POLD3: variants seen among roughly 807,000 people sequenced by gnomAD.
POLD3 encodes the protein DNA polymerase delta subunit 3.
Under a neutral mutation model 58.2 loss-of-function variants are expected in POLD3, and 19 were observed. The observed-to-expected ratio is 0.33, with a 90% confidence interval of 0.23 to 0.48. The LOEUF (loss-of-function observed/expected upper bound fraction) is 0.48. POLD3 is among the 20% of genes least tolerant of loss of function. The pLI, the probability that POLD3 is intolerant of heterozygous loss-of-function variation, is 0.99. For missense variants in POLD3, 504 were observed against 545.5 expected, an observed-to-expected ratio of 0.92 and a Z score of 0.76; for synonymous variants, 172 against 193.5, an observed-to-expected ratio of 0.89 and a Z score of 0.92.
intron 4 of POLD3, among the ~76,000 whole-genome samples, chr11:74,655,658 CAAA>C (rs11316500): frequency 3.7e-5 from 5 of 133,456 alleles, no homozygotes; most frequent in Non-Finnish European, 5.1e-5. Flanking sequence ...TATATTTGAC[CAAA>C]AAAAAAAAAA....
At chr11:74,601,613 C>A (rs1038925230) in intron 2 of POLD3, among the ~76,000 whole-genome samples, 3 of 152,052 alleles carry the variant, frequency 2.0e-5, no homozygotes, top group African/African-American at 7.2e-5. Context: ...ATAACAAAAG[C>A]CTGTTTCTAC....
rs71036003 is a variant in POLD3, at chr11:74,632,877, T to TACACACACACACACACACACACAC, written c.1007-1672_1007-1649dup. 2.2e-3 allele frequency among the ~76,000 whole-genome samples: 249 copies of TACACACACACACACACACACACAC among 115,752 alleles called. 11 individuals are homozygous for TACACACACACACACACACACACAC. The highest frequency in any genetic ancestry group is 7.0e-3 in the African/African-American group (162 of 23,308). 75.9% of individuals were successfully genotyped at this position (115,752 alleles called of 152,430 possible). On this transcript the variant is annotated intron_variant, in intron 9 of 11. Coordinates refer to ENST00000263681, the MANE Select transcript of POLD3 (RefSeq NM_006591.3). ...GGTGGTTTTCCTTTATTTAAGTAAA[T>TACACACACACACACACACACACAC]ACACACACACACACACACACACACA...
intron 4 of POLD3, among the ~76,000 whole-genome samples, chr11:74,659,096 G>C (rs1352375459): frequency 1.3e-5 from 2 of 152,186 alleles, no homozygotes; most frequent in Non-Finnish European, 2.9e-5. Context: ...TACATCTTCT[G>C]AAATCTAGGC....
chr11:74,613,757 A>G (rs1350625129), intron 5 of POLD3, among the ~76,000 whole-genome samples: 1 of 152,236 alleles, frequency 6.6e-6, no homozygotes, highest in African/African-American at 2.4e-5. Flanking sequence ...GACATACCAT[A>G]CAGTATAGAG....
At chr11:74,607,721 A>G (rs1823059713) in intron 3 of POLD3, among the ~76,000 whole-genome samples, 1 of 151,794 alleles carries the variant, frequency 6.6e-6, no homozygotes, top group African/African-American at 2.4e-5. Flanking sequence ...AGCTGGGATT[A>G]CAGGTGCTTG....
At chr11:74,626,217 T>C (rs1230672686) in intron 8 of POLD3, among the ~76,000 whole-genome samples, 1 of 152,140 alleles carries the variant, frequency 6.6e-6, no homozygotes. Context: ...GGTGAAATTT[T>C]AGAGGGTTAA....
chr11:74,623,366 C>T (rs1214397701), intron 7 of POLD3, among the ~76,000 whole-genome samples: 2 of 152,176 alleles, frequency 1.3e-5, no homozygotes, highest in Admixed American at 6.5e-5. Context: ...ACCCAGGAGG[C>T]GGAGCTTGCA....
At chr11:74,663,862 A>C (rs1000691191) in intron 4 of POLD3, among the ~76,000 whole-genome samples, 1 of 152,158 alleles carries the variant, frequency 6.6e-6, no homozygotes, top group Non-Finnish European at 1.5e-5. Context: ...ATATATCTCT[A>C]TCTCTCTATG....
At chr11:74,606,952 T>G (rs970597597) in intron 3 of POLD3, among the ~76,000 whole-genome samples, 2 of 152,086 alleles carry the variant, frequency 1.3e-5, no homozygotes, top group Non-Finnish European at 2.9e-5. Flanking sequence ...AGAGTGGGGT[T>G]GCTGTGGTTG....
At chr11:74,668,819 A>T in exon 5 of POLD3, 1 of 1,285,014 alleles carries the variant, frequency 7.8e-7, no homozygotes, top group South Asian at 1.2e-5. Context: ...ATTTTGGAGC[A>T]TTACGTGGAA....
At chr11:74,653,885 A>G (rs1355385685) in intron 4 of POLD3, among the ~76,000 whole-genome samples, 1 of 152,192 alleles carries the variant, frequency 6.6e-6, no homozygotes, top group Non-Finnish European at 1.5e-5. Context: ...CAGGCTGTAC[A>G]AGCATGGTGC....
At chr11:74,599,664 A>T (rs923739864) in intron 2 of POLD3, among the ~76,000 whole-genome samples, 1 of 151,664 alleles carries the variant, frequency 6.6e-6, no homozygotes, top group Non-Finnish European at 1.5e-5. Flanking sequence ...GCCTGGCCTC[A>T]TACTGTTTTT....
In POLD3 at chr11:74,641,304, A is replaced by C; in HGVS notation, c.*538A>C. On this transcript the variant is annotated 3_prime_UTR_variant, in exon 12 of 12. Transcript: ENST00000263681. Reference sequence around the variant, plus strand: ...AAGTTTTGGTTGGACTAAAGGCTGAAGTGAAAATCTCCCTGTAATCCTCTT... The same window carrying C: ...AAGTTTTGGTTGGACTAAAGGCTGACGTGAAAATCTCCCTGTAATCCTCTT... 1.0e-6 allele frequency: 1 copy of C among 985,470 alleles called. No homozygotes were observed. Among genetic ancestry groups the C allele is most frequent in the Non-Finnish European group, 1.2e-6 (1 of 829,976 alleles). The allele number at this position is 985,470 out of a possible 1,614,324, so 61.0% of individuals were successfully genotyped here.
chr11:74,627,801 T>TAG (rs1213733827), intron 8 of POLD3, among the ~76,000 whole-genome samples: 3 of 152,164 alleles, frequency 2.0e-5, no homozygotes, highest in Admixed American at 2.0e-4. Flanking sequence ...CTATACCATC[T>TAG]AGGTTTGTGT....
downstream of POLD3, among the ~76,000 whole-genome samples, chr11:74,645,591 C>T (rs1298978451): frequency 6.6e-6 from 1 of 152,192 alleles, no homozygotes; most frequent in Non-Finnish European, 1.5e-5. Flanking sequence ...CTTGTTTCCT[C>T]ATCTTTAAAA....
At chr11:74,648,380 A>C (rs779072559) in intron 4 of POLD3, among the ~76,000 whole-genome samples, 1 of 152,174 alleles carries the variant, frequency 6.6e-6, no homozygotes, top group Non-Finnish European at 1.5e-5. Context: ...CTTGAAGTCT[A>C]TATTCTGACT....
chr11:74,638,931 G>A (rs751652073), intron 11 of POLD3, among the ~76,000 whole-genome samples: 30 of 152,152 alleles, frequency 2.0e-4, no homozygotes, highest in Non-Finnish European at 3.5e-4. Context: ...TAGCCTCTAA[G>A]TGAACATCAA....
intron 1 of POLD3, 99 bp from the exon 2 acceptor site, chr11:74,593,962 A>ATAT: frequency 1.4e-6 from 1 of 690,454 alleles, no homozygotes; most frequent in Non-Finnish European, 2.6e-6. Context: ...GTAAGGCATA[A>ATAT]TCATCTAAGA....
downstream of POLD3, among the ~76,000 whole-genome samples, chr11:74,647,324 G>T (rs1056590048): frequency 6.6e-6 from 1 of 152,218 alleles, no homozygotes; most frequent in East Asian, 1.9e-4. Context: ...AACCTGATAG[G>T]AGTGTTTTCC....
Sources: gnomAD v4.1 joint callset for allele counts (sites outside exome capture counted in the v4.1 genomes callset) on GRCh38, gnomAD v4.1.1 for gene constraint, MANE v1.5 for transcripts, NCBI Gene and HGNC (gene_info 2026-07-23, HGNC 2026-07-21) for gene names.